CCNT1: variants seen among roughly 807,000 people sequenced by gnomAD.
CCNT1 encodes the protein cyclin T1.
Under a neutral mutation model 67.3 loss-of-function variants are expected in CCNT1, and 18 were observed. That is an observed-to-expected ratio of 0.27 (90% CI 0.18 to 0.40). The LOEUF (loss-of-function observed/expected upper bound fraction) is 0.40. Ranked by LOEUF, CCNT1 falls within the 10% of genes least tolerant of loss-of-function variation. The pLI is 1.00. For missense variants in CCNT1, 744 were observed against 884.9 expected, an observed-to-expected ratio of 0.84 and a Z score of 2.02; for synonymous variants, 333 against 310.3, an observed-to-expected ratio of 1.07 and a Z score of -0.77.
chr12:48,714,308 A>T (rs1940501124), intron 2 of CCNT1, 135 bp downstream of exon 2: 3 of 597,784 alleles, frequency 5.0e-6, no homozygotes. Context: ...ACAGCAACAC[A>T]GCACATAATG....
At position 48,701,081 on chromosome 12, in the gene CCNT1, T is replaced by C. The variant is rs1940257955; in HGVS notation, c.373-8A>G. The C allele has an allele frequency of 1.9e-6, 3 of 1,558,138 alleles. No homozygotes were observed. Among genetic ancestry groups the C allele is most frequent in the Non-Finnish European group, 1.8e-6 (2 of 1,141,164 alleles). On this transcript the variant is annotated splice_polypyrimidine_tract_variant and splice_region_variant and intron_variant, in intron 3 of 8. Transcript: ENST00000261900. Reference sequence around the variant, plus strand: ...AACTTGTTGCAAATAAGCCTAAAAGTGAGAAGACAGAAATTATTCCCTACA... The same window carrying C: ...AACTTGTTGCAAATAAGCCTAAAAGCGAGAAGACAGAAATTATTCCCTACA...
In CCNT1 at chr12:48,712,615, A is replaced by T. The variant is rs865997637; in HGVS notation, c.243+1828T>A. 1.1e-3 allele frequency among the ~76,000 whole-genome samples: 151 copies of T among 142,468 alleles called. No individual in the cohort carries two copies. The Middle Eastern group carries it at 0.015, about 14-fold the overall frequency. 93.5% of individuals were successfully genotyped at this position (142,468 alleles called of 152,430 possible). A position where few individuals can be genotyped will look rare whatever the true frequency, so the allele number is the denominator to read the frequency against. Reference sequence around the variant, plus strand: ...AAAAATAAAAAAAAAAAAAAAAAAAAAAAGCAGGGAAATACTTGACTCACA... The same window carrying T: ...AAAAATAAAAAAAAAAAAAAAAAAATAAAGCAGGGAAATACTTGACTCACA... On this transcript the variant is annotated intron_variant, in intron 2 of 8. Coordinates refer to ENST00000261900, the MANE Select transcript of CCNT1 (RefSeq NM_001240.4).
rs1940108606 is a variant in CCNT1, at chr12:48,693,264, G to A, written c.1950C>T (p.Asn650=). Reference sequence around the variant, plus strand: ...CTTGATAGTCTATTGTCTGGGTCGTGTTGTGACCATTGGCCCCAGTGGGCC... The same window carrying A: ...CTTGATAGTCTATTGTCTGGGTCGTATTGTGACCATTGGCCCCAGTGGGCC... ...DKGPTGANGH[N]TTQTIDYQDT... Residue 650 remains asparagine, a synonymous_variant, in exon 9 of 9, where the codon AAC becomes AAT. Transcript: ENST00000261900. 2 of 1,614,222 alleles carry A rather than the reference G, an allele frequency of 1.2e-6. No individual in the cohort carries two copies. The highest frequency in any genetic ancestry group is 2.2e-5 in the East Asian group (1 of 44,884).
At chr12:48,705,168 G>A (rs1217183704) in intron 3 of CCNT1, among the ~76,000 whole-genome samples, 1 of 152,188 alleles carries the variant, frequency 6.6e-6, no homozygotes, top group African/African-American at 2.4e-5. Flanking sequence ...GTTGCCTGCA[G>A]TGGTGTGATC....
intron 8 of CCNT1, among the ~76,000 whole-genome samples, chr12:48,695,135 C>T (rs1312399305): frequency 1.3e-5 from 2 of 152,174 alleles, no homozygotes; most frequent in Non-Finnish European, 2.9e-5. Flanking sequence ...CTCAAGCCTA[C>T]TTCTAATCTC....
At chr12:48,715,464 A>C (rs1265076289) in intron 1 of CCNT1, among the ~76,000 whole-genome samples, 1 of 151,316 alleles carries the variant, frequency 6.6e-6, no homozygotes. Context: ...TTTTTTTTTT[A>C]ATTTTTTTTT....
chr12:48,697,741 C>T (rs1940194996), intron 6 of CCNT1, among the ~76,000 whole-genome samples: 1 of 146,314 alleles, frequency 6.8e-6, no homozygotes, highest in South Asian at 2.1e-4. Flanking sequence ...ATGGTGTAAA[C>T]CTGGAAGGTG....
intron 1 of CCNT1, among the ~76,000 whole-genome samples, chr12:48,715,907 C>T (rs1240120467): frequency 1.3e-5 from 2 of 152,192 alleles, no homozygotes; most frequent in Non-Finnish European, 2.9e-5. Context: ...TTCTATAAAA[C>T]AGTAGCTACT....
chr12:48,695,060 T>G (rs185731818), intron 8 of CCNT1, among the ~76,000 whole-genome samples: 3 of 152,088 alleles, frequency 2.0e-5, no homozygotes, highest in Non-Finnish European at 4.4e-5. Context: ...CTGACCTCAG[T>G]TGATCCGCCT....
rs761074562 is a variant in CCNT1, at chr12:48,695,756, T to C, written c.777+3A>G. 3 of 1,601,400 alleles carry C rather than the reference T, an allele frequency of 1.9e-6. No homozygotes were observed. The highest frequency in any genetic ancestry group is 1.1e-5 in the South Asian group (1 of 90,784). ...TCCACAAGCTGACAGTAATGATTCT[T>C]ACCCTCCAATTCCAAATGCGTTTGA... is the stretch of plus-strand genomic sequence containing the variant. On this transcript the variant is annotated splice_donor_region_variant and intron_variant, in intron 8 of 8. Coordinates refer to ENST00000261900, the MANE Select transcript of CCNT1 (RefSeq NM_001240.4).
At chr12:48,704,008 T>G (rs564506934) in intron 3 of CCNT1, among the ~76,000 whole-genome samples, 4 of 152,156 alleles carry the variant, frequency 2.6e-5, no homozygotes, top group African/African-American at 9.7e-5. Flanking sequence ...TCATGGAGAA[T>G]TGTTAAAAAT....
intron 3 of CCNT1, among the ~76,000 whole-genome samples, chr12:48,705,052 T>C (rs1256163674): frequency 1.3e-5 from 2 of 152,180 alleles, no homozygotes; most frequent in Non-Finnish European, 2.9e-5. Context: ...ATCTGAGAGA[T>C]ATTTTATTCT....
At chr12:48,699,268 GT>G in intron 5 of CCNT1, among the ~76,000 whole-genome samples, 1 of 152,142 alleles carries the variant, frequency 6.6e-6, no homozygotes, top group East Asian at 1.9e-4. Flanking sequence ...CCAATTATCA[GT>G]TTGGCCTAAA....
intron 8 of CCNT1, among the ~76,000 whole-genome samples, chr12:48,695,119 C>A (rs1001115020): frequency 6.6e-6 from 1 of 151,906 alleles, no homozygotes; most frequent in Non-Finnish European, 1.5e-5. Flanking sequence ...CCACCATGCC[C>A]GGCCTCTCAA....
intron 2 of CCNT1, 147 bp from the exon 3 acceptor site, chr12:48,706,043 T>C (rs973084216): frequency 1.6e-6 from 1 of 638,670 alleles, no homozygotes; most frequent in Admixed American, 3.3e-5. Flanking sequence ...CCCCCGCTTC[T>C]ACCATCTTCC....
chr12:48,713,852 C>A (rs1051261605), intron 2 of CCNT1, among the ~76,000 whole-genome samples: 8 of 152,102 alleles, frequency 5.3e-5, no homozygotes, highest in African/African-American at 1.9e-4. Context: ...TAATGTTACT[C>A]CTCCAACCCC....
chr12:48,703,890 G>A (rs968663864), intron 3 of CCNT1, among the ~76,000 whole-genome samples: 2 of 149,668 alleles, frequency 1.3e-5, no homozygotes, highest in Admixed American at 6.7e-5. Flanking sequence ...CACACTACTG[G>A]ACTCCAGCCA....
chr12:48,701,178 A>T, intron 3 of CCNT1, 105 bp from the exon 4 acceptor site: 1 of 420,714 alleles, frequency 2.4e-6, no homozygotes, highest in Non-Finnish European at 4.6e-6. Context: ...AAAAGGCATG[A>T]GTGGAGTTAG....
intron 2 of CCNT1, among the ~76,000 whole-genome samples, chr12:48,707,465 AAT>A (rs1424687274): frequency 6.6e-6 from 1 of 151,640 alleles, no homozygotes; most frequent in African/African-American, 2.4e-5. Context: ...TTTTATTTTT[AAT>A]AGAGATGGGG....
Sources: gnomAD v4.1 joint callset for allele counts (sites outside exome capture counted in the v4.1 genomes callset) on GRCh38, gnomAD v4.1.1 for gene constraint, MANE v1.5 for transcripts, NCBI Gene and HGNC (gene_info 2026-07-23, HGNC 2026-07-21) for gene names.